TCF4: variants seen among roughly 807,000 people sequenced by gnomAD.
TCF4 encodes SL3-3 enhancer factor 2.
Under a neutral mutation model 82.1 loss-of-function variants are expected in TCF4, and 3 were observed. That is an observed-to-expected ratio of 0.04 (90% CI 0.02 to 0.09). The LOEUF is 0.09. Ranked by LOEUF, TCF4 falls within the 10% of genes least tolerant of loss-of-function variation. The pLI, the probability that TCF4 is intolerant of heterozygous loss-of-function variation, is 1.00. For missense variants in TCF4, 518 were observed against 852.7 expected, an observed-to-expected ratio of 0.61 and a Z score of 4.89; for synonymous variants, 276 against 309.6, an observed-to-expected ratio of 0.89 and a Z score of 1.14.
chr18:55,368,375 T>C (rs2087851197), intron 6 of TCF4, among the ~76,000 whole-genome samples: 1 of 152,178 alleles, frequency 6.6e-6, no homozygotes, highest in African/African-American at 2.4e-5. Context: ...AGGGAGGCTC[T>C]GTCTCCAAAA....
intron 6 of TCF4, among the ~76,000 whole-genome samples, chr18:55,385,634 C>T (rs1317629599): frequency 2.6e-5 from 4 of 152,304 alleles, no homozygotes; most frequent in South Asian, 2.1e-4. Flanking sequence ...CTCCTGGCCT[C>T]AGGTGATCTG....
chr18:55,437,920 G>A (rs1354887316), intron 5 of TCF4, among the ~76,000 whole-genome samples: 1 of 152,134 alleles, frequency 6.6e-6, no homozygotes, highest in Non-Finnish European at 1.5e-5. Context: ...ATAGGTTTAG[G>A]CCAGGCACAG....
At chr18:55,363,738 G>A (rs1321468161) in intron 6 of TCF4, among the ~76,000 whole-genome samples, 2 of 152,016 alleles carry the variant, frequency 1.3e-5, no homozygotes, top group South Asian at 2.1e-4. Context: ...CCTGGGAGGC[G>A]AAGTTTGCAG....
intron 5 of TCF4, among the ~76,000 whole-genome samples, chr18:55,434,912 G>A (rs2147225594): frequency 1.3e-5 from 2 of 151,956 alleles, no homozygotes; most frequent in Non-Finnish European, 2.9e-5. Context: ...ATCAACTCAA[G>A]CATTTATCCT....
intron 6 of TCF4, among the ~76,000 whole-genome samples, chr18:55,402,937 C>T (rs72926954): frequency 0.051 from 7,713 of 152,214 alleles, 271 homozygotes; most frequent in Non-Finnish European, 0.075. Context: ...CCTTGACTTC[C>T]AGCCAAAAAC....
At chr18:55,498,225 C>T (rs2096659077) in intron 3 of TCF4, among the ~76,000 whole-genome samples, 1 of 152,240 alleles carries the variant, frequency 6.6e-6, no homozygotes, top group Non-Finnish European at 1.5e-5. Context: ...TAAGCAAGTA[C>T]AGCACCTGGG....
At chr18:55,447,331 A>T (rs2144196433) in intron 5 of TCF4, among the ~76,000 whole-genome samples, 1 of 152,038 alleles carries the variant, frequency 6.6e-6, no homozygotes, top group South Asian at 2.1e-4. Flanking sequence ...TATTATGAGG[A>T]AGCTGATGGT....
At chr18:55,280,777 A>AT (rs201734887) in intron 8 of TCF4, among the ~76,000 whole-genome samples, 415 of 151,298 alleles carry the variant, frequency 2.7e-3, no homozygotes, top group Non-Finnish European at 4.1e-3. Flanking sequence ...AATAACTCTC[A>AT]TTTTTTTTTA....
chr18:55,472,340 T>C (rs760964709), intron 3 of TCF4, among the ~76,000 whole-genome samples: 8 of 152,220 alleles, frequency 5.3e-5, no homozygotes, highest in Non-Finnish European at 1.0e-4. Flanking sequence ...GAACCAAACG[T>C]ACATTGAAGC....
intron 15 of TCF4, among the ~76,000 whole-genome samples, chr18:55,250,946 C>T (rs1458018764): frequency 6.6e-6 from 1 of 152,088 alleles, no homozygotes; most frequent in Non-Finnish European, 1.5e-5. Context: ...CAAGGGAAGG[C>T]TTCCTGGAAG....
At chr18:55,476,718 T>C (rs1179873229) in intron 3 of TCF4, among the ~76,000 whole-genome samples, 1 of 152,122 alleles carries the variant, frequency 6.6e-6, no homozygotes, top group African/African-American at 2.4e-5. Context: ...TCCTCCCACC[T>C]CAGCCTCCCA....
At chr18:55,393,369 T>C (rs530914100) in intron 6 of TCF4, among the ~76,000 whole-genome samples, 2 of 152,232 alleles carry the variant, frequency 1.3e-5, no homozygotes, top group East Asian at 1.9e-4. Context: ...GTATCTATTA[T>C]TTTCTTAAGA....
intron 5 of TCF4, among the ~76,000 whole-genome samples, chr18:55,431,761 G>A (rs1279869246): frequency 3.9e-5 from 6 of 152,168 alleles, no homozygotes; most frequent in Admixed American, 3.9e-4. Flanking sequence ...GCAGGTGCTG[G>A]TGGTATCTCT....
intron 3 of TCF4, among the ~76,000 whole-genome samples, chr18:55,575,896 G>A (rs1189272414): frequency 2.0e-5 from 3 of 152,102 alleles, no homozygotes; most frequent in South Asian, 4.1e-4. Flanking sequence ...GGTATCTCCG[G>A]AAAAGTTTTA....
chr18:55,498,416 T>G (rs1052337761), intron 3 of TCF4, among the ~76,000 whole-genome samples: 17 of 152,204 alleles, frequency 1.1e-4, no homozygotes, highest in African/African-American at 4.1e-4. Flanking sequence ...CAGCCAGTCC[T>G]AACACCTGCC....
intron 2 of TCF4, among the ~76,000 whole-genome samples, chr18:55,616,276 G>GT (rs1187912760): frequency 2.0e-5 from 3 of 152,020 alleles, no homozygotes; most frequent in Non-Finnish European, 4.4e-5. Flanking sequence ...TGTCCTCCAG[G>GT]TTCATCCATG....
chr18:55,635,736 G>C, exon 1 of TCF4: 7 of 1,550,550 alleles, frequency 4.5e-6, no homozygotes, highest in Non-Finnish European at 6.1e-6. Flanking sequence ...TCGAGTAGCA[G>C]TTCTCAACCC....
chr18:55,605,352 A>G (rs1243418298), intron 2 of TCF4, among the ~76,000 whole-genome samples: 1 of 152,234 alleles, frequency 6.6e-6, no homozygotes, highest in African/African-American at 2.4e-5. Flanking sequence ...TGGTCTAGCA[A>G]GAGCATTGTA....
rs1040419998 is a variant in TCF4 at position 55,419,114 on chromosome 18, C to T, written c.305-15596G>A. ...GTACAGTAATTGTCAATGCTCAACT[C>T]CTACCTTGTTAACAAATTGGAAAAA... On this transcript the variant is annotated intron_variant, in intron 5 of 19. Coordinates refer to ENST00000354452, the MANE Select transcript of TCF4 (RefSeq NM_001083962.2). Among the ~76,000 whole-genome samples, 5 of 152,284 alleles carry T rather than the reference C, an allele frequency of 3.3e-5. No homozygotes were observed. In the East Asian group the frequency reaches 9.6e-4, roughly 29 times the overall value.
Sources: gnomAD v4.1 joint callset for allele counts (sites outside exome capture counted in the v4.1 genomes callset) on GRCh38, gnomAD v4.1.1 for gene constraint, MANE v1.5 for transcripts, NCBI Gene and HGNC (gene_info 2026-07-23, HGNC 2026-07-21) for gene names.